KCNIP1: variants seen among roughly 807,000 people sequenced by gnomAD.
The protein encoded by KCNIP1 is potassium voltage-gated channel interacting protein 1, also known as A-type potassium channel modulatory protein KCNIP1.
Under a neutral mutation model 33.0 loss-of-function variants are expected in KCNIP1, and 18 were observed. That is an observed-to-expected ratio of 0.55 (90% CI 0.38 to 0.81). The LOEUF is 0.81. KCNIP1 is among the 30% of genes least tolerant of loss of function. KCNIP1 has a pLI of 0.00. For synonymous variants in KCNIP1, 93 were observed against 98.3 expected (o/e 0.95, Z 0.32); for missense variants, 238 against 271.6 (o/e 0.88, Z 0.87).
At chr5:170,607,889 G>A (rs1758991816) in intron 1 of KCNIP1, among the ~76,000 whole-genome samples, 3 of 152,196 alleles carry the variant, frequency 2.0e-5, no homozygotes, top group African/African-American at 2.4e-5. Context: ...TCCCCTCACA[G>A]CCCGCAACAA....
At chr5:170,563,950 A>G (rs1757124464) in intron 1 of KCNIP1, among the ~76,000 whole-genome samples, 1 of 152,020 alleles carries the variant, frequency 6.6e-6, no homozygotes, top group Non-Finnish European at 1.5e-5. Flanking sequence ...TTAAGTTTCT[A>G]CCATTTGGGG....
At position 170,725,313 on chromosome 5, in the gene KCNIP1, GTA is replaced by G. The variant is rs1763972867; in HGVS notation, c.435+2494_435+2495del. Among the ~76,000 whole-genome samples the G allele has an allele frequency of 2.0e-5, 3 of 152,156 alleles. 1 individual carries two copies. In the South Asian group the frequency reaches 6.2e-4, roughly 32 times the overall value. On this transcript the variant is annotated intron_variant, in intron 5 of 7. Coordinates refer to ENST00000328939, the MANE Select transcript of KCNIP1 (RefSeq NM_014592.4). ...CAGATGAATGGATAAAGAAAATCTG[GTA>G]CTTATACACAATGGAGTACTTCTGC...
intron 1 of KCNIP1, among the ~76,000 whole-genome samples, chr5:170,623,855 A>C (rs944633555): frequency 6.6e-6 from 1 of 152,176 alleles, no homozygotes; most frequent in Non-Finnish European, 1.5e-5. Flanking sequence ...GGGGGCCCTG[A>C]GCCTCCAGCC....
chr5:170,454,420 T>G (rs1179163143), intron 1 of KCNIP1, among the ~76,000 whole-genome samples: 1 of 152,060 alleles, frequency 6.6e-6, no homozygotes, highest in Non-Finnish European at 1.5e-5. Context: ...ACTAGAGGAG[T>G]GTACCTAAAC....
chr5:170,403,400 G>T (rs1285749276), intron 1 of KCNIP1, among the ~76,000 whole-genome samples: 1 of 152,192 alleles, frequency 6.6e-6, no homozygotes, highest in African/African-American at 2.4e-5. Context: ...GAAAAGCAGT[G>T]ACTTTCTTCT....
At chr5:170,454,220 A>C (rs1021006730) in intron 1 of KCNIP1, among the ~76,000 whole-genome samples, 1 of 152,244 alleles carries the variant, frequency 6.6e-6, no homozygotes, top group African/African-American at 2.4e-5. Context: ...CTTTCTCAAC[A>C]CACCCAAATT....
At chr5:170,696,802 A>G (rs1445365011) in intron 1 of KCNIP1, among the ~76,000 whole-genome samples, 1 of 152,152 alleles carries the variant, frequency 6.6e-6, no homozygotes, top group Admixed American at 6.5e-5. Flanking sequence ...TAGGAGAGAT[A>G]AAACCTGTGA....
chr5:170,414,395 C>G (rs917161380), intron 1 of KCNIP1, among the ~76,000 whole-genome samples: 1 of 152,158 alleles, frequency 6.6e-6, no homozygotes, highest in East Asian at 1.9e-4. Flanking sequence ...ACACTTGTGC[C>G]GATCAATGAG....
At chr5:170,651,093 G>A (rs1445456064) in intron 1 of KCNIP1, among the ~76,000 whole-genome samples, 2 of 152,182 alleles carry the variant, frequency 1.3e-5, no homozygotes, top group African/African-American at 4.8e-5. Flanking sequence ...AAGGGCAGAG[G>A]GCGTGGACTA....
chr5:170,507,863 C>G (rs1194664715), intron 1 of KCNIP1, among the ~76,000 whole-genome samples: 1 of 152,172 alleles, frequency 6.6e-6, no homozygotes, highest in Non-Finnish European at 1.5e-5. Flanking sequence ...TGTTTGGGAT[C>G]TTTGTGTGTC....
intron 1 of KCNIP1, among the ~76,000 whole-genome samples, chr5:170,597,820 T>TATATATATATATATATATATGAAA (rs1441774904): frequency 6.6e-4 from 37 of 56,270 alleles, no homozygotes; most frequent in South Asian, 1.9e-3. Context: ...TATATATATA[T>TATATATATATATATATATATGAAA]ATATATATAT....
chr5:170,378,591 TG>T, intron 1 of KCNIP1: 1 of 1,119,572 alleles, frequency 8.9e-7, no homozygotes, highest in Non-Finnish European at 1.3e-6. Context: ...TGGATTGGAC[TG>T]GAAGAGTGGG....
intron 1 of KCNIP1, among the ~76,000 whole-genome samples, chr5:170,482,446 C>A (rs933955750): frequency 6.6e-6 from 1 of 152,190 alleles, no homozygotes; most frequent in South Asian, 2.1e-4. Context: ...GCTATTATAT[C>A]ATAAAACCCT....
intron 1 of KCNIP1, among the ~76,000 whole-genome samples, chr5:170,438,516 C>G (rs1018697517): frequency 2.0e-5 from 3 of 152,180 alleles, no homozygotes; most frequent in Non-Finnish European, 2.9e-5. Flanking sequence ...CACGGACCTG[C>G]CCAGCTTAAA....
chr5:170,436,074 T>C (rs887860624), intron 1 of KCNIP1, among the ~76,000 whole-genome samples: 3 of 152,164 alleles, frequency 2.0e-5, no homozygotes, highest in South Asian at 2.1e-4. Context: ...CAATCCACCC[T>C]ACAGGACTGT....
At chr5:170,383,203 C>T (rs1764321260) in intron 1 of KCNIP1, 1 of 259,942 alleles carries the variant, frequency 3.8e-6, no homozygotes, top group Admixed American at 4.9e-5. Context: ...TTACTCCAGC[C>T]CTGAGTCCCT....
In KCNIP1 at chr5:170,654,371, G is replaced by A. The variant is rs145047875; in HGVS notation, c.62-64387G>A. ...AAGCCCCGAAGGAGCTCACATTCTA[G>A]TCATGTCCACAAAGAGGTAATAAAT... On this transcript the variant is annotated intron_variant, in intron 1 of 7. Transcript: ENST00000328939. Among the ~76,000 whole-genome samples, 8 of 152,278 alleles carry A rather than the reference G, an allele frequency of 5.3e-5. No homozygotes were observed. The East Asian group carries it at 1.4e-3, about 26-fold the overall frequency.
chr5:170,584,578 A>G (rs1757916353), intron 1 of KCNIP1, among the ~76,000 whole-genome samples: 1 of 152,206 alleles, frequency 6.6e-6, no homozygotes, highest in African/African-American at 2.4e-5. Context: ...GGAGACAGAA[A>G]GACCAGCTTG....
intron 1 of KCNIP1, among the ~76,000 whole-genome samples, chr5:170,540,445 G>A (rs1182309143): frequency 6.6e-6 from 1 of 152,324 alleles, no homozygotes; most frequent in African/African-American, 2.4e-5. Context: ...ACCAACAGCT[G>A]TTGCCCAGCC....
Sources: gnomAD v4.1 joint callset for allele counts (sites outside exome capture counted in the v4.1 genomes callset) on GRCh38, gnomAD v4.1.1 for gene constraint, MANE v1.5 for transcripts, NCBI Gene and HGNC (gene_info 2026-07-23, HGNC 2026-07-21) for gene names.